PITPNM3: variants seen among roughly 807,000 people sequenced by gnomAD.
PITPNM3 encodes the protein membrane-associated phosphatidylinositol transfer protein 3.
A neutral mutation model predicts 102.0 loss-of-function variants in PITPNM3; 26 were observed. The observed-to-expected ratio is 0.25, with a 90% CI of 0.19 to 0.35. PITPNM3 has a LOEUF of 0.35. Among genes scored for constraint, PITPNM3 ranks in the 10% least tolerant of loss-of-function variants. PITPNM3 has a pLI of 1.00. For synonymous variants in PITPNM3, 578 were observed against 558.6 expected, an observed-to-expected ratio of 1.03 and a Z score of -0.49; for missense variants, 1,083 against 1,346.1, an observed-to-expected ratio of 0.80 and a Z score of 3.06.
chr17:6,503,629 G>A (rs369755974), intron 3 of PITPNM3, 55 bp from the exon 4 acceptor site: 4 of 1,580,006 alleles, frequency 2.5e-6, no homozygotes, highest in East Asian at 2.2e-5. Context: ...GCCAGGCACT[G>A]TGTTTCCCAG....
Position 6,556,345 on chromosome 17 carries a change from C to T in PITPNM3, c.22+40G>A. 1 of 1,398,498 alleles carries T rather than the reference C, an allele frequency of 7.2e-7. No homozygotes were observed. The highest frequency in any genetic ancestry group is 9.3e-7 in the Non-Finnish European group (1 of 1,071,318). 86.6% of individuals were successfully genotyped at this position (1,398,498 alleles called of 1,614,324 possible). A position where few individuals can be genotyped will look rare whatever the true frequency, so the allele number is the denominator to read the frequency against. On this transcript the variant is annotated intron_variant, in intron 1 of 19. Coordinates refer to ENST00000262483, the MANE Select transcript of PITPNM3 (RefSeq NM_031220.4). The surrounding 1 kb of genome is among the most constrained non-coding windows in gnomAD (Gnocchi z 5.2). ...CCTCCTCTAGACGCGCGAGTCCCTC[C>T]CCCGGGCCCCGGCCCTGCCCTCCCC...
At chr17:6,490,096 T>C (rs1018314863) in intron 4 of PITPNM3, among the ~76,000 whole-genome samples, 2 of 152,184 alleles carry the variant, frequency 1.3e-5, no homozygotes, top group African/African-American at 2.4e-5. Flanking sequence ...CTTTGCTATT[T>C]TGCTGTGATG....
chr17:6,509,141 G>C (rs1273663878), intron 3 of PITPNM3, among the ~76,000 whole-genome samples: 7 of 152,092 alleles, frequency 4.6e-5, no homozygotes. Flanking sequence ...CACCAATCTT[G>C]CCTGTCCTGA....
chr17:6,465,662 C>T (rs72830311), intron 14 of PITPNM3, among the ~76,000 whole-genome samples: 10,927 of 152,282 alleles, frequency 0.072, 525 homozygotes, highest in Non-Finnish European at 0.11. Flanking sequence ...CCAGCCCCAC[C>T]GGGATTATCC....
At chr17:6,498,456 G>T (rs187888484) in intron 4 of PITPNM3, among the ~76,000 whole-genome samples, 1 of 152,256 alleles carries the variant, frequency 6.6e-6, no homozygotes, top group South Asian at 2.1e-4. Context: ...GAAAGCAGGG[G>T]CTGTGAGAAC....
At chr17:6,467,713 GT>G (rs1904858067) in intron 14 of PITPNM3, among the ~76,000 whole-genome samples, 1 of 152,194 alleles carries the variant, frequency 6.6e-6, no homozygotes, top group South Asian at 2.1e-4. Context: ...ATGATCGTTT[GT>G]TGAGTGAATA....
intron 4 of PITPNM3, among the ~76,000 whole-genome samples, chr17:6,488,444 G>C (rs146678819): frequency 3.3e-5 from 5 of 151,968 alleles, no homozygotes; most frequent in African/African-American, 1.2e-4. Flanking sequence ...TGGCTTACTC[G>C]TCTATTTCCC....
chr17:6,517,510 T>C lies in PITPNM3; in HGVS notation c.226+7846A>G, dbSNP rs935081988. Among the ~76,000 whole-genome samples, 5 of 152,076 alleles carry C rather than the reference T, an allele frequency of 3.3e-5. No individual in the cohort carries two copies. Among genetic ancestry groups the C allele is most frequent in the African/African-American group, 1.2e-4 (5 of 41,428 alleles). On this transcript the variant is annotated intron_variant, in intron 3 of 19. Coordinates refer to ENST00000262483, the MANE Select transcript of PITPNM3 (RefSeq NM_031220.4). The surrounding 1 kb of genome is among the most constrained non-coding windows in gnomAD (Gnocchi z 4.1). Reference sequence around the variant, plus strand: ...CTTCCCTGTTCAGGGATAGCATAGATAGAGCTACTGACTTAATCCAAACCC... The same window carrying C: ...CTTCCCTGTTCAGGGATAGCATAGACAGAGCTACTGACTTAATCCAAACCC...
At position 6,469,119 on chromosome 17, in the gene PITPNM3, G is replaced by A. The variant is rs973964598; in HGVS notation, c.1774-778C>T. Among the ~76,000 whole-genome samples the A allele has an allele frequency of 2.0e-5, 3 of 152,076 alleles. No homozygotes were observed. Among genetic ancestry groups the A allele is most frequent in the Non-Finnish European group, 2.9e-5 (2 of 68,000 alleles). On this transcript the variant is annotated intron_variant, in intron 13 of 19. Coordinates refer to ENST00000262483, the MANE Select transcript of PITPNM3 (RefSeq NM_031220.4). The surrounding 1 kb of genome is among the most constrained non-coding windows in gnomAD (Gnocchi z 4.0). ...CCTTCTCTCCCTGGGGGAGCTCCAGGACTCATCCCTGAACTTCCCTCTCTG... is the reference window on the plus strand; with the variant it reads ...CCTTCTCTCCCTGGGGGAGCTCCAGAACTCATCCCTGAACTTCCCTCTCTG...
chr17:6,505,668 A>T (rs1277290012), intron 3 of PITPNM3, among the ~76,000 whole-genome samples: 2 of 152,236 alleles, frequency 1.3e-5, no homozygotes, highest in Admixed American at 1.3e-4. Context: ...CTAAGAAGTC[A>T]ACTTTGACCA....
At chr17:6,548,271 G>A (rs1209690203) in intron 1 of PITPNM3, among the ~76,000 whole-genome samples, 1 of 152,188 alleles carries the variant, frequency 6.6e-6, no homozygotes, top group African/African-American at 2.4e-5. Flanking sequence ...TCCATTTGGT[G>A]CCAAAGCACA....
chr17:6,482,028 C>CTCTCTG (rs1905751039), intron 6 of PITPNM3, among the ~76,000 whole-genome samples: 3 of 95,768 alleles, frequency 3.1e-5, no homozygotes, highest in Non-Finnish European at 6.3e-5. Context: ...CTCTCTCTCT[C>CTCTCTG]TCTCTCTGTC....
chr17:6,531,568 C>A (rs1909148847), intron 2 of PITPNM3, among the ~76,000 whole-genome samples: 1 of 152,252 alleles, frequency 6.6e-6, no homozygotes, highest in South Asian at 2.1e-4. Flanking sequence ...TTTGAGGATC[C>A]ATCCTGCACT....
At chr17:6,545,999 G>A (rs560244718) in intron 1 of PITPNM3, among the ~76,000 whole-genome samples, 53 of 152,232 alleles carry the variant, frequency 3.5e-4, no homozygotes, top group Non-Finnish European at 6.9e-4. Context: ...GAGCATCCCC[G>A]AGGGAATGTC....
chr17:6,525,379 A>C lies in PITPNM3; in HGVS notation c.203T>G (p.Met68Arg), dbSNP rs765172139. Residue 68 changes from methionine to arginine, a missense_variant, in exon 3 of 20, where the codon ATG (methionine) becomes AGG (arginine). Physicochemically the swap from Met to Arg is moderately conservative, Grantham distance 91. This residue lies in a region of PITPNM3 where 290 missense variants were observed against 337.8 expected (regional missense o/e 0.86). Transcript: ENST00000262483. ...ACCTTGATGCTCGTCCAGTTTCCCC[A>C]TGGTCTCGATCTGCTCCACGAGGTC... is the stretch of plus-strand genomic sequence containing the variant. ...SNDLVEQIET[M>R]GKLDEHQGEG... 1.9e-6 allele frequency: 3 copies of C among 1,613,852 alleles called. No individual in the cohort carries two copies. The highest frequency in any genetic ancestry group is 1.7e-6 in the Non-Finnish European group (2 of 1,179,968).
intron 3 of PITPNM3, among the ~76,000 whole-genome samples, chr17:6,513,756 C>T (rs1907999654): frequency 6.6e-6 from 1 of 152,162 alleles, no homozygotes; most frequent in Admixed American, 6.5e-5. Flanking sequence ...CTATCAAAAT[C>T]CCCACTGGCA....
intron 3 of PITPNM3, among the ~76,000 whole-genome samples, chr17:6,508,179 G>A (rs182941135): frequency 3.5e-4 from 53 of 152,300 alleles, no homozygotes; most frequent in Admixed American, 2.2e-3. Flanking sequence ...CAAGCTTCAC[G>A]TGGGTAAGAA....
At chr17:6,467,080 C>A (rs112401975) in intron 14 of PITPNM3, among the ~76,000 whole-genome samples, 4,608 of 60,736 alleles carry the variant, frequency 0.076, 147 homozygotes, top group Non-Finnish European at 0.12. Context: ...AAAAAAAAAA[C>A]CAAAAAAAAA....
At chr17:6,535,955 T>G (rs1909397252) in intron 2 of PITPNM3, among the ~76,000 whole-genome samples, 1 of 151,256 alleles carries the variant, frequency 6.6e-6, no homozygotes, top group South Asian at 2.1e-4. Context: ...TCCCAGCTAC[T>G]TGGGAGGCTG....
Sources: allele counts gnomAD v4.1 joint callset (sites outside exome capture counted in the v4.1 genomes callset), GRCh38; gene constraint gnomAD v4.1.1; regional missense constraint gnomAD v4.1.1; non-coding constraint Gnocchi (gnomAD v3.1); transcripts MANE v1.5; gene names NCBI Gene and HGNC (gene_info 2026-07-23, HGNC 2026-07-21).